BCL9: variants seen among roughly 807,000 people sequenced by gnomAD.
The protein encoded by BCL9 is BCL9 transcription coactivator, also known as B-cell CLL/lymphoma 9 protein.
A neutral mutation model predicts 88.5 loss-of-function variants in BCL9; 25 were observed. The ratio of observed to expected loss-of-function variants is 0.28; its 90% CI spans 0.21 to 0.39. The LOEUF is 0.39. BCL9 is among the 10% of genes least tolerant of loss of function. BCL9 has a pLI of 1.00. For synonymous variants in BCL9, 711 were observed against 673.3 expected (o/e 1.06, Z -0.87); for missense variants, 1,817 against 1,877.8 (o/e 0.97, Z 0.60).
chr1:147,554,863 G>C lies in BCL9; in HGVS notation c.-478+13189G>C, dbSNP rs587676435. On this transcript the variant is annotated intron_variant, in intron 1 of 9. Coordinates refer to ENST00000234739, the MANE Select transcript of BCL9 (RefSeq NM_004326.4). ...CTGTGCTGGTTGAGTATTGGTTGTT[G>C]AGAGTGCTTGCCTCAGGGGCCAACA... 7.9e-5 allele frequency among the ~76,000 whole-genome samples: 12 copies of C among 152,252 alleles called. No homozygotes were observed. The South Asian group carries it at 2.1e-3, about 26-fold the overall frequency.
chr1:147,614,956 A>G (rs1658199894), intron 6 of BCL9, among the ~76,000 whole-genome samples: 1 of 150,738 alleles, frequency 6.6e-6, no homozygotes, highest in Admixed American at 6.6e-5. Flanking sequence ...CATCTGCCTC[A>G]GCCTCTTGAT....
rs141058514 is a variant in BCL9 at position 147,612,708 on chromosome 1, A to G, written c.54-175A>G. On this transcript the variant is annotated intron_variant, in intron 4 of 9. Coordinates refer to ENST00000234739, the MANE Select transcript of BCL9 (RefSeq NM_004326.4). ...CTGCTTGATCCTCCTCTCTGTTGATAGCTCTGAGATGGGATCAGGGGTGGC... is the reference window on the plus strand; with the variant it reads ...CTGCTTGATCCTCCTCTCTGTTGATGGCTCTGAGATGGGATCAGGGGTGGC... Among the ~76,000 whole-genome samples, 980 of 152,036 alleles carry G rather than the reference A, an allele frequency of 6.4e-3. 37 individuals are homozygous for G. The highest frequency in any genetic ancestry group is 0.06 in the Admixed American group (922 of 15,280).
At chr1:147,546,261 C>G (rs1654586151) in intron 1 of BCL9, among the ~76,000 whole-genome samples, 1 of 151,800 alleles carries the variant, frequency 6.6e-6, no homozygotes, top group African/African-American at 2.4e-5. Flanking sequence ...TGGTGTGAAC[C>G]CAGGAGGAGG....
At chr1:147,600,048 C>CG (rs1210127607) in intron 1 of BCL9, 1 of 92,592 alleles carries the variant, frequency 1.1e-5, no homozygotes, top group African/African-American at 4.2e-5. Context: ...GCGTCCGAGG[C>CG]GGGGCCGGCT....
rs1553204282 is a variant in BCL9, at chr1:147,618,869, C to T, written c.714C>T (p.Pro238=). The change falls in exon 8 of 10, where the codon CCC becomes CCT. Residue 238 remains proline (P), a synonymous_variant. Coordinates refer to ENST00000234739, the MANE Select transcript of BCL9 (RefSeq NM_004326.4). ...RNDPKPLPQQ[P]PAPANQDQNS... ...ATCCGAAACCTCTCCCACAACAGCC[C>T]CCAGCTCCGGCCAACCAGGACCAGA... 1 of 1,604,778 alleles carries T rather than the reference C, an allele frequency of 6.2e-7. No individual in the cohort carries two copies. Among genetic ancestry groups the T allele is most frequent in the East Asian group, 2.2e-5 (1 of 44,852 alleles).
Position 147,624,501 on chromosome 1 carries a change from G to C in BCL9, c.3823G>C (p.Gly1275Arg), listed in dbSNP as rs368840689. The C allele has an allele frequency of 2.9e-5, 47 of 1,614,198 alleles. No homozygotes were observed. The highest frequency in any genetic ancestry group is 3.9e-5 in the Non-Finnish European group (46 of 1,180,044). ...TGGACCTGGGTTTTCACACATGCAG[G>C]GGATGATGGGCGAACAAGCCCCCAG... ...GPGPGFSHMQ[G>R]MMGEQAPRMG... The change falls in exon 10 of 10, where the codon GGG becomes CGG. Residue 1275 changes from glycine to arginine, a missense_variant. By Grantham distance (125) the Gly-to-Arg change is moderately radical. Transcript: ENST00000234739. This position sits in a 1 kb window ranked among gnomAD's most constrained non-coding sequence, Gnocchi z 4.4.
chr1:147,557,961 G>C (rs1557823135), intron 1 of BCL9, among the ~76,000 whole-genome samples: 1 of 149,804 alleles, frequency 6.7e-6, no homozygotes, highest in Non-Finnish European at 1.5e-5. Flanking sequence ...ATATTCCTTT[G>C]AATGTAAGTT....
intron 1 of BCL9, among the ~76,000 whole-genome samples, chr1:147,574,758 CAG>C (rs1656034105): frequency 6.6e-6 from 1 of 152,152 alleles, no homozygotes; most frequent in Non-Finnish European, 1.5e-5. Flanking sequence ...TCTGATTAAA[CAG>C]AGAGACCCAG....
At chr1:147,612,152 A>G (rs2101608485) in intron 4 of BCL9, among the ~76,000 whole-genome samples, 1 of 152,278 alleles carries the variant, frequency 6.6e-6, no homozygotes, top group African/African-American at 2.4e-5. Context: ...AGCACAAACG[A>G]AAGGACCATA....
At chr1:147,595,186 A>T (rs1656993845) in intron 1 of BCL9, among the ~76,000 whole-genome samples, 1 of 152,236 alleles carries the variant, frequency 6.6e-6, no homozygotes, top group African/African-American at 2.4e-5. Flanking sequence ...TATTGGCTTC[A>T]TGTTTTTTCT....
chr1:147,566,932 C>T (rs1655629940), intron 1 of BCL9, among the ~76,000 whole-genome samples: 1 of 151,992 alleles, frequency 6.6e-6, no homozygotes, highest in Admixed American at 6.6e-5. Context: ...CATCAGGCAC[C>T]TTTTACTAAC....
In BCL9 at chr1:147,622,288, A is replaced by G. The variant is rs587754307; in HGVS notation, c.2920A>G (p.Thr974Ala). Residue 974 changes from threonine to alanine, a missense_variant, in exon 9 of 10, where the codon ACA becomes GCA. Thr to Ala is a moderately conservative substitution (Grantham distance 58). This residue lies in a region of BCL9 where 589 missense variants were observed against 686.2 expected (regional missense o/e 0.86). Coordinates refer to ENST00000234739, the MANE Select transcript of BCL9 (RefSeq NM_004326.4). ...CCTTTTAGGTGGCCCCCCACCTCCT[A>G]CAGCCAGCCAGCCTGCCTCTGTGAA... is the stretch of plus-strand genomic sequence containing the variant. Reference protein sequence around the residue: ...NVESGGPPPPTASQPASVNIP... With the variant: ...NVESGGPPPPAASQPASVNIP... 6.2e-7 allele frequency: 1 copy of G among 1,614,092 alleles called. No homozygotes were observed. The highest frequency in any genetic ancestry group is 8.5e-7 in the Non-Finnish European group (1 of 1,179,990).
chr1:147,622,388 C>T lies in BCL9; in HGVS notation c.3020C>T (p.Ser1007Phe). The part of the protein sequence containing the change: ...PEPTLSQNPL[S>F]IMMSRMSKFA... ...CCAACCCTTTCCCAGAACCCACTCT[C>T]TATTATGATGTCTCGAATGTCCAAG... Residue 1007 changes from serine (S) to phenylalanine (F), a missense_variant, in exon 9 of 10, where the codon TCT becomes TTT. Coordinates refer to ENST00000234739, the MANE Select transcript of BCL9 (RefSeq NM_004326.4). 1.9e-6 allele frequency: 3 copies of T among 1,614,194 alleles called. No individual in the cohort carries two copies. Among genetic ancestry groups the T allele is most frequent in the South Asian group, 2.2e-5 (2 of 91,084 alleles).
intron 1 of BCL9, among the ~76,000 whole-genome samples, chr1:147,554,413 G>A (rs1348410943): frequency 6.6e-6 from 1 of 152,134 alleles, no homozygotes; most frequent in Non-Finnish European, 1.5e-5. Flanking sequence ...TAAAATTAAC[G>A]AAAATTTCAG....
chr1:147,619,368 C>A lies in BCL9; in HGVS notation c.1213C>A (p.Pro405Thr). Residue 405 changes from proline (P) to threonine (T), a missense_variant, in exon 8 of 10, where the codon CCA becomes ACA. Pro to Thr is a conservative substitution (Grantham distance 38). Coordinates refer to ENST00000234739, the MANE Select transcript of BCL9 (RefSeq NM_004326.4). This position sits in a 1 kb window ranked among gnomAD's most constrained non-coding sequence, Gnocchi z 4.1. ...TGGGCCTCAGAAAAAACCAGAAGGG[C>A]CAATACAGGCCATGATGGCCCAATC... The part of the protein sequence containing the change: ...LDGPQKKPEG[P>T]IQAMMAQSQS... The A allele has an allele frequency of 6.2e-7, 1 of 1,614,028 alleles. No homozygotes were observed. The highest frequency in any genetic ancestry group is 8.5e-7 in the Non-Finnish European group (1 of 1,180,030).
chr1:147,546,106 G>T (rs1292293494), intron 1 of BCL9, among the ~76,000 whole-genome samples: 1 of 152,096 alleles, frequency 6.6e-6, no homozygotes, highest in Admixed American at 6.5e-5. Flanking sequence ...GGAGGCCGAG[G>T]CGGGCGGATC....
chr1:147,580,520 C>T (rs587730069), intron 1 of BCL9, among the ~76,000 whole-genome samples: 6 of 152,228 alleles, frequency 3.9e-5, no homozygotes, highest in African/African-American at 7.2e-5. Flanking sequence ...AGAAAAGCAT[C>T]GTGCACAGTG....
chr1:147,621,196 G>A (rs1463915185), intron 8 of BCL9, 139 bp downstream of exon 8: 5 of 993,578 alleles, frequency 5.0e-6, no homozygotes, highest in African/African-American at 3.3e-5. Context: ...TTGTGGCAAG[G>A]TGCATAATCA....
At position 147,624,137 on chromosome 1, in the gene BCL9, C is replaced by T. The variant is rs1658806256; in HGVS notation, c.3459C>T (p.Phe1153=). 4 of 1,594,958 alleles carry T rather than the reference C, an allele frequency of 2.5e-6. No homozygotes were observed. The highest frequency in any genetic ancestry group is 2.6e-6 in the Non-Finnish European group (3 of 1,168,858). Residue 1153 remains phenylalanine, a synonymous_variant, in exon 10 of 10, where the codon TTC becomes TTT. Coordinates refer to ENST00000234739, the MANE Select transcript of BCL9 (RefSeq NM_004326.4). This position sits in a 1 kb window ranked among gnomAD's most constrained non-coding sequence, Gnocchi z 4.4. Reference sequence around the variant, plus strand: ...AGTCTCCCCCACAGCAGGTTCCATTCCCTCACAATGGCCCCAGTGGGGGGC... The same window carrying T: ...AGTCTCCCCCACAGCAGGTTCCATTTCCTCACAATGGCCCCAGTGGGGGGC... The part of the protein sequence containing the change: ...PVQSPPQQVP[F]PHNGPSGGQG...
Sources: gnomAD v4.1 joint callset for allele counts (sites outside exome capture counted in the v4.1 genomes callset) on GRCh38, gnomAD v4.1.1 for gene constraint, gnomAD v4.1.1 regional missense constraint, Gnocchi (gnomAD v3.1) non-coding constraint, MANE v1.5 for transcripts, NCBI Gene and HGNC (gene_info 2026-07-23, HGNC 2026-07-21) for gene names.